Variants in NCAPH2 observed in about 807,000 individuals in gnomAD.
The protein encoded by NCAPH2 is condensin-2 complex subunit H2.
In NCAPH2, 56 loss-of-function variants were observed where a neutral mutation model predicts 88.6. The ratio of observed to expected loss-of-function variants is 0.63; its 90% confidence interval spans 0.51 to 0.79. The LOEUF (loss-of-function observed/expected upper bound fraction) is 0.79. Among genes scored for constraint, NCAPH2 ranks in the 30% least tolerant of loss-of-function variants. NCAPH2 has a pLI of 0.00. For missense variants in NCAPH2, 794 were observed against 792.0 expected (o/e 1.00, Z -0.03); for synonymous variants, 378 against 313.6 (o/e 1.21, Z -2.17).
At chr22:50,515,554 G>A (rs529095614) in intron 1 of NCAPH2, among the ~76,000 whole-genome samples, 4 of 152,042 alleles carry the variant, frequency 2.6e-5, no homozygotes, top group Non-Finnish European at 5.9e-5. Context: ...CCGCCACCAC[G>A]CCCAGCTAAT....
chr22:50,510,523 G>A (rs1338302719), intron 1 of NCAPH2, among the ~76,000 whole-genome samples: 1 of 152,060 alleles, frequency 6.6e-6, no homozygotes, highest in Non-Finnish European at 1.5e-5. Flanking sequence ...CGACTCCCAG[G>A]TTCAAGCAAT....
At chr22:50,515,518 T>C in intron 1 of NCAPH2, among the ~76,000 whole-genome samples, 1 of 152,066 alleles carries the variant, frequency 6.6e-6, no homozygotes, top group Admixed American at 6.5e-5. Flanking sequence ...TGCCTCAGCC[T>C]CCCGAGTAGC....
intron 8 of NCAPH2, 133 bp from the exon 9 acceptor site, chr22:50,519,057 T>C: frequency 2.4e-6 from 2 of 823,808 alleles, no homozygotes; most frequent in South Asian, 3.7e-5. Context: ...ACGACGAGGA[T>C]GGTGCAAGGC....
Position 50,524,249 on chromosome 22 carries a change from G to A in NCAPH2, c.*874G>A. On this transcript the variant is annotated 3_prime_UTR_variant, in exon 20 of 20. Transcript: ENST00000420993. ...ATCAGCAGCCGGGTTCGAAGCCCAG[G>A]GCCCTGGGGCTGGCCCTGCCCACCT... 2 of 1,605,798 alleles carry A rather than the reference G, an allele frequency of 1.2e-6. No individual in the cohort carries two copies. The highest frequency in any genetic ancestry group is 1.7e-6 in the Non-Finnish European group (2 of 1,179,828).
At chr22:50,522,776 A>G (rs764291736) in intron 17 of NCAPH2, 45 bp from the exon 18 acceptor site, 1 of 1,612,468 alleles carries the variant, frequency 6.2e-7, no homozygotes, top group Admixed American at 1.7e-5. Context: ...AGCGGTGCCC[A>G]GGCCCCTGCT....
Position 50,518,733 on chromosome 22 carries a change from G to A in NCAPH2, c.730+1G>A. The A allele has an allele frequency of 6.2e-7, 1 of 1,602,806 alleles. No homozygotes were observed. Among genetic ancestry groups the A allele is most frequent in the Non-Finnish European group, 8.5e-7 (1 of 1,175,786 alleles). ...GCACTCGGCTTCTCCCAGGAGCCAG[G>A]TGAGAAGAGAGCTCCCCGGTGGGAC... On this transcript the variant is annotated splice_donor_variant, in intron 8 of 19. Transcript: ENST00000420993. LOFTEE classifies it high-confidence loss of function.
chr22:50,523,401 G>C lies in NCAPH2; in HGVS notation c.*26G>C, dbSNP rs549660173. On this transcript the variant is annotated 3_prime_UTR_variant, in exon 20 of 20. Coordinates refer to ENST00000420993, the MANE Select transcript of NCAPH2 (RefSeq NM_152299.4). ...GTGGGGAGCACCGAGGCAGGGGTGG[G>C]GGAATGTGTACTGAGGAGCCGTGTG... 44 of 1,532,258 alleles carry C rather than the reference G, an allele frequency of 2.9e-5. No individual in the cohort carries two copies. The South Asian group carries it at 5.1e-4, about 18-fold the overall frequency. 94.9% of individuals were successfully genotyped at this position (1,532,258 alleles called of 1,614,324 possible). A position where few individuals can be genotyped will look rare whatever the true frequency, so the allele number is the denominator to read the frequency against.
chr22:50,517,831 C>G lies in NCAPH2; in HGVS notation c.420+22C>G, dbSNP rs747851970. ...CAGTGTGAGTCCTGGCCTGGCCCCT[C>G]TTAGGCTGGGGTGAGGTCAGCACTT... On this transcript the variant is annotated intron_variant, in intron 5 of 19. Coordinates refer to ENST00000420993, the MANE Select transcript of NCAPH2 (RefSeq NM_152299.4). 2.5e-6 allele frequency: 4 copies of G among 1,612,866 alleles called. No homozygotes were observed. In the East Asian group the frequency reaches 8.9e-5, roughly 36 times the overall value.
At chr22:50,517,123 T>C (rs2068946393) in intron 2 of NCAPH2, among the ~76,000 whole-genome samples, 1 of 152,146 alleles carries the variant, frequency 6.6e-6, no homozygotes, top group African/African-American at 2.4e-5. Flanking sequence ...CCAAGGACCG[T>C]GTGATGAGGC....
At position 50,514,531 on chromosome 22, in the gene NCAPH2, A is replaced by G. The variant is rs1014351580; in HGVS notation, c.109-1916A>G. ...ACATGTGGGTTTGGGCTCAGATGGC[A>G]GGTCCAACCTGGGGAGGTGAGAAGA... On this transcript the variant is annotated intron_variant, in intron 1 of 19. Coordinates refer to ENST00000420993, the MANE Select transcript of NCAPH2 (RefSeq NM_152299.4). 2.6e-5 allele frequency among the ~76,000 whole-genome samples: 4 copies of G among 152,224 alleles called. No individual in the cohort carries two copies. The South Asian group carries it at 8.3e-4, about 32-fold the overall frequency.
chr22:50,523,858 T>C lies in NCAPH2; in HGVS notation c.*483T>C. ...GCCGGTCAGACCCAACAGTCTTGGG[T>C]GGAAGTCCTGGACGTAGCGGGCCAT... On this transcript the variant is annotated 3_prime_UTR_variant, in exon 20 of 20. Coordinates refer to ENST00000420993, the MANE Select transcript of NCAPH2 (RefSeq NM_152299.4). 1 of 1,613,874 alleles carries C rather than the reference T, an allele frequency of 6.2e-7. No individual in the cohort carries two copies. The highest frequency in any genetic ancestry group is 8.5e-7 in the Non-Finnish European group (1 of 1,180,002).
At chr22:50,509,167 C>T (rs1012561171) in intron 1 of NCAPH2, among the ~76,000 whole-genome samples, 2 of 152,110 alleles carry the variant, frequency 1.3e-5, no homozygotes, top group Non-Finnish European at 2.9e-5. Flanking sequence ...TGTTGAGTTC[C>T]TCAGGATGGG....
intron 10 of NCAPH2, among the ~76,000 whole-genome samples, 153 bp from the exon 11 acceptor site, chr22:50,521,389 AG>A (rs2069090156): frequency 6.8e-6 from 1 of 147,496 alleles, no homozygotes; most frequent in Non-Finnish European, 1.5e-5. Context: ...CTCCTTTGGG[AG>A]GGTGGCTGTG....
In NCAPH2 at chr22:50,523,048, A is replaced by G; in HGVS notation, c.1559A>G (p.Tyr520Cys). Residue 520 changes from tyrosine (Y) to cysteine (C), a missense_variant, in exon 19 of 20, where the codon TAT becomes TGT. Physicochemically the swap from Tyr to Cys is radical, Grantham distance 194 (BLOSUM62 -2). This residue lies in a region of NCAPH2 where 735 missense variants were observed against 696.3 expected (regional missense o/e 1.06). Transcript: ENST00000420993. ...CATGTGCCCTTTGACATCCACACCT[A>G]TGGGGACCAGCTGGTCTCACGGTTC... The part of the protein sequence containing the change: ...EQHVPFDIHT[Y>C]GDQLVSRFPQ... The G allele has an allele frequency of 1.9e-6, 3 of 1,605,148 alleles. No individual in the cohort carries two copies. Among genetic ancestry groups the G allele is most frequent in the Non-Finnish European group, 2.6e-6 (3 of 1,174,336 alleles).
chr22:50,508,710 C>G (rs1474609922), intron 1 of NCAPH2, among the ~76,000 whole-genome samples: 1 of 152,232 alleles, frequency 6.6e-6, no homozygotes, highest in Non-Finnish European at 1.5e-5. Flanking sequence ...TGGTGACCAG[C>G]CGTTTCTCTA....
rs780658540 is a variant in NCAPH2, at chr22:50,523,923, G to C, written c.*548G>C. ...CCCGCTCGGGGTCCACAGTGATGAA[G>C]ACAGGCTGCACTGGAGGCAAACCAG... On this transcript the variant is annotated 3_prime_UTR_variant, in exon 20 of 20. Coordinates refer to ENST00000420993, the MANE Select transcript of NCAPH2 (RefSeq NM_152299.4). 8.7e-6 allele frequency: 14 copies of C among 1,613,270 alleles called. No individual in the cohort carries two copies. Among genetic ancestry groups the C allele is most frequent in the Admixed American group, 3.3e-5 (2 of 60,008 alleles).
At chr22:50,517,249 T>C (rs937344538) in intron 2 of NCAPH2, among the ~76,000 whole-genome samples, 178 bp from the exon 3 acceptor site, 5 of 152,198 alleles carry the variant, frequency 3.3e-5, no homozygotes, top group Non-Finnish European at 7.4e-5. Context: ...GTAAAGTAAT[T>C]CTCATGAGAT....
chr22:50,510,448 G>C (rs1276161333), intron 1 of NCAPH2, among the ~76,000 whole-genome samples: 1 of 151,882 alleles, frequency 6.6e-6, no homozygotes, highest in Non-Finnish European at 1.5e-5. Flanking sequence ...CTTTTTTTGA[G>C]ATGGAGTCTT....
chr22:50,517,353 C>G lies in NCAPH2; in HGVS notation c.211-74C>G, dbSNP rs189560836. The G allele has an allele frequency of 2.6e-6, 4 of 1,519,000 alleles. No homozygotes were observed. The East Asian group carries it at 9.0e-5, about 34-fold the overall frequency. 94.1% of individuals were successfully genotyped at this position (1,519,000 alleles called of 1,614,324 possible). A position where few individuals can be genotyped will look rare whatever the true frequency, so the allele number is the denominator to read the frequency against. ...TGGTGGCCAGGCCTCGTGGGGGCAC[C>G]GATGGATAGCTGGGAAGGCCTTGGG... On this transcript the variant is annotated intron_variant, in intron 2 of 19. Coordinates refer to ENST00000420993, the MANE Select transcript of NCAPH2 (RefSeq NM_152299.4).
Sources: gnomAD v4.1 joint callset for allele counts (sites outside exome capture counted in the v4.1 genomes callset) on GRCh38, gnomAD v4.1.1 for gene constraint, gnomAD v4.1.1 regional missense constraint, MANE v1.5 for transcripts, NCBI Gene and HGNC (gene_info 2026-07-23, HGNC 2026-07-21) for gene names.